Variants in ZNF512 observed in about 807,000 individuals in gnomAD.
ZNF512 encodes the protein zinc finger protein 512.
A neutral mutation model predicts 77.5 loss-of-function variants in ZNF512; 25 were observed. That is an observed-to-expected ratio of 0.32 (90% CI 0.23 to 0.45). The LOEUF (loss-of-function observed/expected upper bound fraction) is 0.45, where lower values mean the gene tolerates loss of function less well. ZNF512 is among the 20% of genes least tolerant of loss of function. The pLI, the probability that ZNF512 is intolerant of heterozygous loss-of-function variation, is 1.00. For missense variants in ZNF512, 483 were observed against 692.6 expected (o/e 0.70, Z 3.40); for synonymous variants, 246 against 239.9 (o/e 1.03, Z -0.24).
Position 27,600,063 on chromosome 2 carries a change from C to T in ZNF512, c.457+10C>T, listed in dbSNP as rs1473453488. 5 of 1,613,652 alleles carry T rather than the reference C, an allele frequency of 3.1e-6. No individual in the cohort carries two copies. In the South Asian group the frequency reaches 5.5e-5, roughly 18 times the overall value. ...CCAGTTTATGCAGCAGGTATGTTTT[C>T]TTTTGGAAGTTTTGAGGGATGTAGT... On this transcript the variant is annotated intron_variant, in intron 5 of 13. Coordinates refer to ENST00000355467, the MANE Select transcript of ZNF512 (RefSeq NM_032434.4).
chr2:27,612,558 A>G (rs1486937240), intron 10 of ZNF512, among the ~76,000 whole-genome samples: 1 of 151,932 alleles, frequency 6.6e-6, no homozygotes, highest in Non-Finnish European at 1.5e-5. Context: ...TTCATTTCCA[A>G]TCCAACACCA....
chr2:27,583,105 A>G lies in ZNF512; in HGVS notation c.-8A>G, dbSNP rs1486366595. Reference sequence around the variant, plus strand: ...TTGGGTGAAATTGTTAGGCGTGGAGAGGGAGTGATGTCTTCCAGACTCGGT... The same window carrying G: ...TTGGGTGAAATTGTTAGGCGTGGAGGGGGAGTGATGTCTTCCAGACTCGGT... On this transcript the variant is annotated 5_prime_UTR_variant, in exon 1 of 14. Transcript: ENST00000355467. 1.9e-6 allele frequency: 3 copies of G among 1,612,630 alleles called. No individual in the cohort carries two copies. The African/African-American group carries it at 4.0e-5, about 22-fold the overall frequency.
chr2:27,608,117 C>A, intron 10 of ZNF512, 78 bp downstream of exon 10: 2 of 1,348,734 alleles, frequency 1.5e-6, no homozygotes, highest in Non-Finnish European at 2.0e-6. Flanking sequence ...AGTAAATGCA[C>A]TTGAGGAAGT....
rs1328126743 is a variant in ZNF512 at position 27,622,786 on chromosome 2, C to G, written c.*1325C>G. 6.5e-6 allele frequency: 1 copy of G among 152,762 alleles called. No homozygotes were observed. Among genetic ancestry groups the G allele is most frequent in the African/African-American group, 2.4e-5 (1 of 41,442 alleles). The allele number at this position is 152,762 out of a possible 1,614,324, so 9.5% of individuals were successfully genotyped here. A position where few individuals can be genotyped will look rare whatever the true frequency, so the allele number is the denominator to read the frequency against. ...TAGACAAGTACTACCTTTTCAAATTCTGAAAGGCTATTACCACTTTAACTC... is the reference window on the plus strand; with the variant it reads ...TAGACAAGTACTACCTTTTCAAATTGTGAAAGGCTATTACCACTTTAACTC... On this transcript the variant is annotated 3_prime_UTR_variant, in exon 14 of 14. Transcript: ENST00000355467.
chr2:27,620,546 G>A (rs1673071223), intron 13 of ZNF512, among the ~76,000 whole-genome samples: 1 of 152,092 alleles, frequency 6.6e-6, no homozygotes, highest in African/African-American at 2.4e-5. Context: ...CTTGCAGTGG[G>A]GCAGAGAGAT....
intron 13 of ZNF512, among the ~76,000 whole-genome samples, chr2:27,617,867 G>A (rs1013564841): frequency 3.5e-5 from 5 of 142,836 alleles, no homozygotes; most frequent in Non-Finnish European, 7.5e-5. Context: ...AGCTGGTTGC[G>A]CTACTGCACT....
In ZNF512 at chr2:27,621,380, G is replaced by A; in HGVS notation, c.1623G>A (p.Lys541=). 3 of 1,614,066 alleles carry A rather than the reference G, an allele frequency of 1.9e-6. No individual in the cohort carries two copies. The highest frequency in any genetic ancestry group is 2.5e-6 in the Non-Finnish European group (3 of 1,180,008). Reference sequence around the variant, plus strand: ...AACTGGTAGTGTCAGCCTCCTGTAAGGAACCAGAGCAGGAGCCAGTGCCAG... The same window carrying A: ...AACTGGTAGTGTCAGCCTCCTGTAAAGAACCAGAGCAGGAGCCAGTGCCAG... ...NEELVVSASC[K]EPEQEPVPAQ... is the part of the protein sequence containing the mutation. Residue 541 remains lysine (K), a synonymous_variant, in exon 14 of 14, where the codon AAG becomes AAA. Coordinates refer to ENST00000355467, the MANE Select transcript of ZNF512 (RefSeq NM_032434.4).
At position 27,599,596 on chromosome 2, in the gene ZNF512, A is replaced by G. The variant is rs369461593; in HGVS notation, c.291A>G (p.Val97=). 64 of 1,614,154 alleles carry G rather than the reference A, an allele frequency of 4.0e-5. No homozygotes were observed. The African/African-American group carries it at 4.8e-4, about 12-fold the overall frequency. The change falls in exon 4 of 14, where the codon GTA becomes GTG. Residue 97 remains valine, a synonymous_variant. Transcript: ENST00000355467. ...ATGGTACTTCAGGGTCAGGTGGAGTATCAGCCAAGGGGAAAAGGAAACCCA... is the reference window on the plus strand; with the variant it reads ...ATGGTACTTCAGGGTCAGGTGGAGTGTCAGCCAAGGGGAAAAGGAAACCCA... The part of the protein sequence containing the change: ...ATSHVEGSGG[V]SAKGKRKPRQ...
At chr2:27,583,368 C>A in intron 1 of ZNF512, 1 of 1,359,454 alleles carries the variant, frequency 7.4e-7, no homozygotes, top group Non-Finnish European at 9.8e-7. Flanking sequence ...GTTTCTATTC[C>A]TTTTACATCC....
At chr2:27,608,697 G>A (rs1418614465) in intron 10 of ZNF512, among the ~76,000 whole-genome samples, 1 of 152,134 alleles carries the variant, frequency 6.6e-6, no homozygotes, top group Non-Finnish European at 1.5e-5. Flanking sequence ...CTTGGGAACA[G>A]GTTGAAGGGA....
intron 9 of ZNF512, 44 bp downstream of exon 9, chr2:27,603,351 C>A: frequency 6.2e-7 from 1 of 1,601,238 alleles, no homozygotes; most frequent in South Asian, 1.1e-5. Flanking sequence ...GGATGTATTT[C>A]GTGGTGAGTC....
intron 2 of ZNF512, among the ~76,000 whole-genome samples, chr2:27,592,318 TA>T (rs1558465231): frequency 6.6e-6 from 1 of 151,660 alleles, no homozygotes. Flanking sequence ...TATTTATTTT[TA>T]TTTTTTTTTT....
chr2:27,601,049 A>G (rs1394531009), intron 6 of ZNF512, among the ~76,000 whole-genome samples: 2 of 152,212 alleles, frequency 1.3e-5, no homozygotes, highest in African/African-American at 4.8e-5. Flanking sequence ...TAGAGAAAAA[A>G]TAATAAATAC....
At chr2:27,592,650 T>G (rs1482906628) in intron 2 of ZNF512, among the ~76,000 whole-genome samples, 1 of 140,492 alleles carries the variant, frequency 7.1e-6, no homozygotes, top group African/African-American at 2.6e-5. Context: ...TATACCCATA[T>G]AATTTACCAT....
In ZNF512 at chr2:27,607,906, A is replaced by C; in HGVS notation, c.998A>C (p.Lys333Thr). Residue 333 changes from lysine (K) to threonine (T), a missense_variant, in exon 10 of 14, where the codon AAG becomes ACG. Physicochemically the swap from Lys to Thr is moderately conservative, Grantham distance 78. Coordinates refer to ENST00000355467, the MANE Select transcript of ZNF512 (RefSeq NM_032434.4). Reference protein sequence around the residue: ...ECLKEMNLESKSGGRVQRRSA... With the variant: ...ECLKEMNLESTSGGRVQRRSA... ...TTAAAGGAGATGAACCTAGAGTCAA[A>C]GAGTGGGGGCCGAGTTCAGAGACGT... 6.2e-7 allele frequency: 1 copy of C among 1,614,140 alleles called. No homozygotes were observed. Among genetic ancestry groups the C allele is most frequent in the Non-Finnish European group, 8.5e-7 (1 of 1,180,018 alleles).
chr2:27,596,620 G>A (rs1402061504), intron 2 of ZNF512, among the ~76,000 whole-genome samples: 2 of 152,194 alleles, frequency 1.3e-5, no homozygotes, highest in Non-Finnish European at 2.9e-5. Context: ...TCCCAACTTT[G>A]ACTCCCCTGC....
intron 7 of ZNF512, 65 bp from the exon 8 acceptor site, chr2:27,602,398 T>G: frequency 6.9e-7 from 1 of 1,445,302 alleles, no homozygotes; most frequent in Non-Finnish European, 9.4e-7. Flanking sequence ...TCCTCTGATA[T>G]TTTTTTTCCC....
chr2:27,587,868 C>T (rs1053102034), intron 2 of ZNF512, among the ~76,000 whole-genome samples: 4 of 149,860 alleles, frequency 2.7e-5, no homozygotes, highest in African/African-American at 9.8e-5. Flanking sequence ...TTAGTAGAGA[C>T]GGGGTTTCTC....
At chr2:27,604,785 A>C (rs1354258041) in intron 9 of ZNF512, among the ~76,000 whole-genome samples, 1 of 152,130 alleles carries the variant, frequency 6.6e-6, no homozygotes, top group East Asian at 1.9e-4. Flanking sequence ...TCTCAAAACA[A>C]ACAAAAAAAA....
Sources: allele counts gnomAD v4.1 joint callset (sites outside exome capture counted in the v4.1 genomes callset), GRCh38; gene constraint gnomAD v4.1.1; transcripts MANE v1.5; gene names NCBI Gene and HGNC (gene_info 2026-07-23, HGNC 2026-07-21).